Variants in P2RX5 observed in about 807,000 individuals in gnomAD.
The protein encoded by P2RX5 is purinergic receptor P2X 5.
P2RX5 carries 46 observed loss-of-function variants against 54.1 expected under a neutral mutation model. That is an observed-to-expected ratio of 0.85 (90% CI 0.67 to 1.09). The LOEUF (loss-of-function observed/expected upper bound fraction) is 1.09, where lower values mean the gene tolerates loss of function less well. P2RX5 is among the 50% of genes least tolerant of loss of function. The probability of loss-of-function intolerance (pLI) is 0.00; values close to 1 mark genes in which losing one functional copy is unlikely to be tolerated. For missense variants in P2RX5, 566 were observed against 549.8 expected (o/e 1.03, Z -0.29); for synonymous variants, 226 against 226.4 (o/e 1.00, Z 0.02).
rs34356240 is a variant in P2RX5, at chr17:3,693,127, C to CAAAAAA, written c.138-1339_138-1334dup. ...GCAAAGGATTTGAATAGACATTTCT[C>CAAAAAA]AAAAAAAAAAAAAAAAAAGAGAGAG... is the stretch of plus-strand genomic sequence containing the variant. On this transcript the variant is annotated intron_variant, in intron 1 of 11. Transcript: ENST00000225328. Among the ~76,000 whole-genome samples the CAAAAAA allele has an allele frequency of 4.5e-4, 46 of 101,622 alleles. 1 individual carries two copies. Among genetic ancestry groups the CAAAAAA allele is most frequent in the African/African-American group, 1.4e-3 (33 of 24,098 alleles). 66.7% of individuals were successfully genotyped at this position (101,622 alleles called of 152,430 possible). A position where few individuals can be genotyped will look rare whatever the true frequency, so the allele number is the denominator to read the frequency against.
the P2RX5 span, chr17:3,723,277 GT>G: frequency 6.3e-7 from 1 of 1,577,640 alleles, no homozygotes; most frequent in Non-Finnish European, 8.7e-7. Flanking sequence ...GAGCATTTCA[GT>G]CTCAAACACC....
chr17:3,681,107 C>T (rs1478572621), intron 10 of P2RX5, among the ~76,000 whole-genome samples: 3 of 152,246 alleles, frequency 2.0e-5, no homozygotes, highest in African/African-American at 7.2e-5. Flanking sequence ...CTGCTTCCTT[C>T]AGCAGCACAG....
At chr17:3,697,073 G>T (rs979096328), upstream of P2RX5, among the ~76,000 whole-genome samples, 3 of 151,630 alleles carry the variant, frequency 2.0e-5, no homozygotes, top group African/African-American at 7.3e-5. Context: ...GGCGGAGTCG[G>T]TGGTCAGGCA....
intron 9 of P2RX5, among the ~76,000 whole-genome samples, chr17:3,685,231 G>A (rs1046974076): frequency 3.3e-5 from 5 of 152,252 alleles, no homozygotes; most frequent in Admixed American, 3.3e-4. Context: ...TCCCAGCCAC[G>A]CCTCGGCTGG....
At chr17:3,699,445 G>A (rs2050800702), upstream of P2RX5, among the ~76,000 whole-genome samples, 1 of 152,042 alleles carries the variant, frequency 6.6e-6, no homozygotes, top group Admixed American at 6.6e-5. Flanking sequence ...TAGCTGCTCA[G>A]GAGGCTGAGG....
chr17:3,699,611 C>A (rs2050801375), upstream of P2RX5, among the ~76,000 whole-genome samples: 1 of 151,632 alleles, frequency 6.6e-6, no homozygotes, highest in African/African-American at 2.4e-5. Context: ...TTGAGACCAG[C>A]CTAACCAACA....
chr17:3,701,521 C>T, the P2RX5 span, among the ~76,000 whole-genome samples: 2 of 151,824 alleles, frequency 1.3e-5, no homozygotes, highest in Non-Finnish European at 2.9e-5. Context: ...GGAGAAACCC[C>T]GTCTCTACTA....
At chr17:3,704,493 T>C in the P2RX5 span, among the ~76,000 whole-genome samples, 26 of 152,356 alleles carry the variant, frequency 1.7e-4, no homozygotes, top group East Asian at 4.4e-3. Flanking sequence ...AAATGGCAGA[T>C]GCATTATTAA....
chr17:3,719,523 A>G, the P2RX5 span, among the ~76,000 whole-genome samples: 1 of 152,222 alleles, frequency 6.6e-6, no homozygotes, highest in African/African-American at 2.4e-5. Context: ...CAAAGCATTC[A>G]GTCCACAAAT....
At chr17:3,713,950 G>GGC in the P2RX5 span, among the ~76,000 whole-genome samples, 1 of 93,000 alleles carries the variant, frequency 1.1e-5, no homozygotes, top group Non-Finnish European at 2.3e-5. Context: ...TTTTTTTTGA[G>GGC]ACAGTCTTGC....
the P2RX5 span, among the ~76,000 whole-genome samples, chr17:3,705,771 A>C: frequency 6.6e-6 from 1 of 151,944 alleles, no homozygotes; most frequent in Admixed American, 6.6e-5. Flanking sequence ...AGTGACTTTT[A>C]TTTTTGTGTG....
upstream of P2RX5, among the ~76,000 whole-genome samples, chr17:3,699,092 CACCT>C (rs1567744015): frequency 1.8e-5 from 1 of 56,876 alleles, no homozygotes; most frequent in African/African-American, 5.3e-5. Flanking sequence ...CACACACACA[CACCT>C]ATATATATAA....
chr17:3,679,566 C>T (rs2050182100), intron 11 of P2RX5, 24 bp downstream of exon 11: 1 of 1,601,970 alleles, frequency 6.2e-7, no homozygotes. Flanking sequence ...AGCTGTCGGG[C>T]TCTCTGCCTA....
At chr17:3,713,918 C>G in the P2RX5 span, among the ~76,000 whole-genome samples, 1 of 149,378 alleles carries the variant, frequency 6.7e-6, no homozygotes, top group Non-Finnish European at 1.5e-5. Context: ...TAAGAATTAT[C>G]TGAAAGGATA....
intron 1 of P2RX5, among the ~76,000 whole-genome samples, chr17:3,692,918 T>C (rs2143001517): frequency 6.6e-6 from 1 of 152,172 alleles, no homozygotes; most frequent in South Asian, 2.1e-4. Flanking sequence ...ATAGGTAAGT[T>C]GGACTTCATA....
At position 3,696,081 on chromosome 17, in the gene P2RX5, G is replaced by A; in HGVS notation, c.-76C>T. On this transcript the variant is annotated 5_prime_UTR_variant, in exon 1 of 12. Coordinates refer to ENST00000225328, the MANE Select transcript of P2RX5 (RefSeq NM_002561.4). ...GGGAGCACTCGGTCCCTCGGTCCCT[G>A]CGCGCCCGGCGCCCGCCTCGGCCCG... The A allele has an allele frequency of 3.4e-6, 5 of 1,474,370 alleles. No individual in the cohort carries two copies. In the Admixed American group the frequency reaches 9.4e-5, roughly 28 times the overall value. 91.3% of individuals were successfully genotyped at this position (1,474,370 alleles called of 1,614,324 possible).
At chr17:3,674,248 T>C (rs1315251170) in intron 11 of P2RX5, among the ~76,000 whole-genome samples, 2 of 151,874 alleles carry the variant, frequency 1.3e-5, no homozygotes, top group Admixed American at 6.6e-5. Flanking sequence ...GAGGCGGAGC[T>C]TGCAGTGAGC....
rs751030228 is a variant in P2RX5, at chr17:3,688,753, C to A, written c.760G>T (p.Val254Leu). 1.3e-5 allele frequency: 21 copies of A among 1,614,056 alleles called. No homozygotes were observed. The African/African-American group carries it at 2.5e-4, about 19-fold the overall frequency. The stretch of plus-strand genomic sequence containing the variant: ...TTCCATTCAATATTAATTCCTATCA[C>A]GCCACCCTTGATAAAAGAGAGATGA... ...DFQDIALEGG[V>L]IGINIEWNCD... Residue 254 changes from valine (V) to leucine (L), a missense_variant, in exon 8 of 12, where the codon GTG (valine) becomes TTG (leucine). Physicochemically the swap from Val to Leu is conservative, Grantham distance 32 (BLOSUM62 1). Transcript: ENST00000225328.
chr17:3,690,750 A>G (rs2050591730), intron 3 of P2RX5, 70 bp from the exon 4 acceptor site: 1 of 1,483,186 alleles, frequency 6.7e-7, no homozygotes. Flanking sequence ...ACTCCAGGAG[A>G]TAGAATAGGG....
Sources: gnomAD v4.1 joint callset for allele counts (sites outside exome capture counted in the v4.1 genomes callset) on GRCh38, gnomAD v4.1.1 for gene constraint, MANE v1.5 for transcripts, NCBI Gene and HGNC (gene_info 2026-07-23, HGNC 2026-07-21) for gene names.